BTRC: variants seen among roughly 807,000 people sequenced by gnomAD.
The protein encoded by BTRC is beta-transducin repeat containing E3 ubiquitin protein ligase.
Under a neutral mutation model 85.5 loss-of-function variants are expected in BTRC, and 42 were observed. The observed-to-expected ratio is 0.49, with a 90% CI of 0.38 to 0.64. The LOEUF (loss-of-function observed/expected upper bound fraction) is 0.64. Ranked by LOEUF, BTRC falls within the 30% of genes least tolerant of loss-of-function variation. The pLI is 0.00. For synonymous variants in BTRC, 255 were observed against 263.3 expected (o/e 0.97, Z 0.30); for missense variants, 594 against 743.5 (o/e 0.80, Z 2.34).
At chr10:101,528,469 CT>C (rs2062233049) in intron 6 of BTRC, among the ~76,000 whole-genome samples, 1 of 152,116 alleles carries the variant, frequency 6.6e-6, no homozygotes, top group Non-Finnish European at 1.5e-5. Context: ...CTTTTTTCCC[CT>C]ATCTCTTTAT....
intron 1 of BTRC, among the ~76,000 whole-genome samples, chr10:101,394,260 A>G (rs1367798421): frequency 6.6e-6 from 1 of 152,230 alleles, no homozygotes. Flanking sequence ...TTATTTTCAA[A>G]TATAAATTTT....
chr10:101,445,163 C>G (rs1944788641), intron 2 of BTRC, among the ~76,000 whole-genome samples: 1 of 152,112 alleles, frequency 6.6e-6, no homozygotes, highest in African/African-American at 2.4e-5. Context: ...AGTCATGACT[C>G]TCTGGTAAGA....
At chr10:101,454,067 A>G (rs1274886616) in intron 2 of BTRC, among the ~76,000 whole-genome samples, 1 of 152,240 alleles carries the variant, frequency 6.6e-6, no homozygotes, top group Non-Finnish European at 1.5e-5. Flanking sequence ...GTGGGACAGT[A>G]GGACTGCAGT....
intron 1 of BTRC, among the ~76,000 whole-genome samples, chr10:101,363,599 C>T (rs930366185): frequency 6.6e-6 from 1 of 152,122 alleles, no homozygotes; most frequent in Admixed American, 6.6e-5. Context: ...GCTGGGACTA[C>T]AGGTGTGCAC....
chr10:101,522,690 G>A (rs2062135560), intron 5 of BTRC, among the ~76,000 whole-genome samples: 1 of 151,360 alleles, frequency 6.6e-6, no homozygotes, highest in South Asian at 2.1e-4. Context: ...CAAAGTGTTG[G>A]GATTACAGGT....
At chr10:101,389,129 T>TG (rs1564742894) in intron 1 of BTRC, among the ~76,000 whole-genome samples, 4 of 136,000 alleles carry the variant, frequency 2.9e-5, no homozygotes, top group Non-Finnish European at 4.7e-5. Flanking sequence ...GTTTTTTTTT[T>TG]TTTTTTTTTT....
chr10:101,438,197 A>T (rs190359447), intron 2 of BTRC, among the ~76,000 whole-genome samples: 1 of 152,048 alleles, frequency 6.6e-6, no homozygotes, highest in Admixed American at 6.6e-5. Flanking sequence ...GAGGCCAAGG[A>T]GGGCAGATCA....
chr10:101,362,913 A>G (rs1942254528), intron 1 of BTRC, among the ~76,000 whole-genome samples: 1 of 152,228 alleles, frequency 6.6e-6, no homozygotes, highest in African/African-American at 2.4e-5. Context: ...ACATTGCATT[A>G]TTATATGTAA....
intron 2 of BTRC, among the ~76,000 whole-genome samples, chr10:101,433,003 T>G (rs2134088295): frequency 6.6e-6 from 1 of 152,288 alleles, no homozygotes; most frequent in Admixed American, 6.5e-5. Flanking sequence ...TATGGTTTAG[T>G]GCCCCCAACA....
At chr10:101,376,614 A>G (rs1456037870) in intron 1 of BTRC, among the ~76,000 whole-genome samples, 2 of 152,212 alleles carry the variant, frequency 1.3e-5, no homozygotes, top group Non-Finnish European at 1.5e-5. Flanking sequence ...TCCTAGTACT[A>G]TGAACAGATT....
chr10:101,356,128 G>T (rs1325449079), intron 1 of BTRC, among the ~76,000 whole-genome samples: 1 of 152,018 alleles, frequency 6.6e-6, no homozygotes, highest in Non-Finnish European at 1.5e-5. Flanking sequence ...TCAGCCTCCC[G>T]AGTAGCTAGA....
At chr10:101,483,505 A>G (rs1460846238) in intron 4 of BTRC, among the ~76,000 whole-genome samples, 1 of 152,158 alleles carries the variant, frequency 6.6e-6, no homozygotes, top group East Asian at 1.9e-4. Flanking sequence ...AGGCAGGAGA[A>G]TCACTTGAAC....
At chr10:101,532,815 G>T (rs2062319164) in intron 8 of BTRC, 137 bp from the exon 9 acceptor site, 4 of 552,190 alleles carry the variant, frequency 7.2e-6, no homozygotes, top group South Asian at 2.0e-5. Flanking sequence ...CGCGCGCTTA[G>T]CTATACCTAT....
intron 1 of BTRC, among the ~76,000 whole-genome samples, chr10:101,393,188 C>T (rs1302856321): frequency 6.6e-6 from 1 of 152,156 alleles, no homozygotes; most frequent in Non-Finnish European, 1.5e-5. Flanking sequence ...GGGTGGTGTG[C>T]CCAGGGAGTC....
intron 4 of BTRC, among the ~76,000 whole-genome samples, chr10:101,503,111 C>T (rs1946435417): frequency 6.6e-6 from 1 of 152,116 alleles, no homozygotes; most frequent in African/African-American, 2.4e-5. Flanking sequence ...GATCACACTC[C>T]AGGTAAATAG....
chr10:101,374,771 TTAAAG>T (rs1942743437), intron 1 of BTRC, among the ~76,000 whole-genome samples: 1 of 135,638 alleles, frequency 7.4e-6, no homozygotes, highest in Non-Finnish European at 1.6e-5. Flanking sequence ...ACCCTAAAAC[TTAAAG>T]TATAATAAAT....
At chr10:101,376,441 A>T (rs1183090066) in intron 1 of BTRC, among the ~76,000 whole-genome samples, 2 of 152,210 alleles carry the variant, frequency 1.3e-5, no homozygotes, top group African/African-American at 4.8e-5. Flanking sequence ...TTACTTCTGT[A>T]GGCTGTTTGC....
chr10:101,534,947 A>G, intron 10 of BTRC, 37 bp downstream of exon 10: 1 of 1,593,914 alleles, frequency 6.3e-7, no homozygotes, highest in South Asian at 1.1e-5. Context: ...CCAACTTAGA[A>G]TGGGGGAATT....
At chr10:101,381,013 C>T (rs145949879) in intron 1 of BTRC, among the ~76,000 whole-genome samples, 1 of 152,062 alleles carries the variant, frequency 6.6e-6, no homozygotes, top group Non-Finnish European at 1.5e-5. Flanking sequence ...GGTAAAAATA[C>T]AGTGTTATAA....
Sources: allele counts gnomAD v4.1 joint callset (sites outside exome capture counted in the v4.1 genomes callset), GRCh38; gene constraint gnomAD v4.1.1; transcripts MANE v1.5; gene names NCBI Gene and HGNC (gene_info 2026-07-23, HGNC 2026-07-21).